CALN1: variants seen among roughly 807,000 people sequenced by gnomAD.
CALN1 encodes the protein calneuron 1.
A neutral mutation model predicts 30.6 loss-of-function variants in CALN1; 17 were observed. The observed-to-expected ratio is 0.56, with a 90% CI of 0.38 to 0.83. The LOEUF is 0.83. CALN1 is among the 40% of genes least tolerant of loss of function. The pLI is 0.00. For missense variants in CALN1, 291 were observed against 354.9 expected, an observed-to-expected ratio of 0.82 and a Z score of 1.45; for synonymous variants, 156 against 131.4, an observed-to-expected ratio of 1.19 and a Z score of -1.28.
chr7:71,831,459 A>C (rs1012665597), intron 5 of CALN1, among the ~76,000 whole-genome samples: 13 of 152,304 alleles, frequency 8.5e-5, no homozygotes, highest in Admixed American at 6.5e-5. Flanking sequence ...CAGCCTGGGC[A>C]ACAGAGCAAG....
chr7:72,269,042 G>A (rs2129553317), intron 3 of CALN1, among the ~76,000 whole-genome samples: 1 of 152,192 alleles, frequency 6.6e-6, no homozygotes, highest in African/African-American at 2.4e-5. Context: ...TCTGCCTGGG[G>A]ACAATTTCCC....
At chr7:71,976,534 G>C (rs1009171530) in intron 5 of CALN1, among the ~76,000 whole-genome samples, 1 of 152,198 alleles carries the variant, frequency 6.6e-6, no homozygotes, top group African/African-American at 2.4e-5. Flanking sequence ...AGGAGCGCTG[G>C]GCGCAGGGAT....
intron 2 of CALN1, among the ~76,000 whole-genome samples, chr7:72,335,626 G>A (rs371929307): frequency 6.6e-6 from 1 of 152,238 alleles, no homozygotes; most frequent in Middle Eastern, 3.2e-3. Context: ...GGGATGGCTG[G>A]CGCCCCAGTC....
chr7:72,410,541 T>C (rs1168869782), intron 1 of CALN1, among the ~76,000 whole-genome samples: 2 of 152,190 alleles, frequency 1.3e-5, no homozygotes, highest in Non-Finnish European at 2.9e-5. Flanking sequence ...TAAGTCCACA[T>C]CTGAAAACTG....
intron 6 of CALN1, among the ~76,000 whole-genome samples, chr7:71,789,639 A>C (rs1000259907): frequency 1.1e-4 from 17 of 152,118 alleles, no homozygotes; most frequent in African/African-American, 3.6e-4. Flanking sequence ...CTGCCTCCAG[A>C]TACCACGGCC....
At chr7:72,284,853 T>C (rs909099050) in intron 2 of CALN1, among the ~76,000 whole-genome samples, 1 of 152,068 alleles carries the variant, frequency 6.6e-6, no homozygotes, top group African/African-American at 2.4e-5. Context: ...AGATATATGA[T>C]AGATGATGGA....
At chr7:72,017,577 G>A (rs941550048) in intron 5 of CALN1, among the ~76,000 whole-genome samples, 2 of 152,120 alleles carry the variant, frequency 1.3e-5, no homozygotes, top group African/African-American at 2.4e-5. Flanking sequence ...GTGTGCTCGG[G>A]AGTATTGCCC....
chr7:72,034,302 C>T (rs1426989011), intron 4 of CALN1, among the ~76,000 whole-genome samples: 2 of 144,426 alleles, frequency 1.4e-5, no homozygotes, highest in South Asian at 2.2e-4. Flanking sequence ...TGCAGTGAGC[C>T]GAGATTGTGC....
intron 4 of CALN1, among the ~76,000 whole-genome samples, chr7:72,061,796 CAAAAA>C (rs1161510912): frequency 1.2e-5 from 1 of 85,132 alleles, no homozygotes; most frequent in East Asian, 4.1e-4. Flanking sequence ...GACTCTGTCT[CAAAAA>C]AAAAAAAAAA....
chr7:71,894,362 G>A (rs892087130), intron 5 of CALN1, among the ~76,000 whole-genome samples: 2 of 152,026 alleles, frequency 1.3e-5, no homozygotes, highest in Admixed American at 6.6e-5. Context: ...GCATGATCAC[G>A]CCAACCAGGC....
At chr7:72,292,816 G>C (rs6954119) in intron 2 of CALN1, among the ~76,000 whole-genome samples, 2 of 6,080 alleles carry the variant, frequency 3.3e-4, no homozygotes, top group Admixed American at 2.0e-3. Context: ...ACAATACTCT[G>C]TCTCAAAAAA....
intron 5 of CALN1, among the ~76,000 whole-genome samples, chr7:71,944,850 AGC>A (rs1289254734): frequency 1.2e-4 from 19 of 152,304 alleles, no homozygotes; most frequent in African/African-American, 4.6e-4. Flanking sequence ...CCAGTCTCCC[AGC>A]ATCCTTGAAG....
intron 5 of CALN1, among the ~76,000 whole-genome samples, chr7:71,852,832 A>T (rs1354948290): frequency 6.6e-6 from 1 of 152,160 alleles, no homozygotes; most frequent in African/African-American, 2.4e-5. Context: ...CTTTATATTG[A>T]TTGTGCTTAT....
the CALN1 span, among the ~76,000 whole-genome samples, chr7:72,462,475 G>A: frequency 0.16 from 24,569 of 152,096 alleles, 2,180 homozygotes; most frequent in Non-Finnish European, 0.2. Flanking sequence ...ATGAGCCACC[G>A]CAACCAGCTT....
At chr7:71,891,130 T>G (rs755990593) in intron 5 of CALN1, among the ~76,000 whole-genome samples, 1 of 152,188 alleles carries the variant, frequency 6.6e-6, no homozygotes, top group Non-Finnish European at 1.5e-5. Flanking sequence ...ACAATTTTCA[T>G]GGCTGTATAA....
chr7:72,121,879 T>C (rs571602561), intron 3 of CALN1, among the ~76,000 whole-genome samples: 54 of 147,486 alleles, frequency 3.7e-4, no homozygotes, highest in Admixed American at 3.2e-3. Flanking sequence ...ATATTAATTA[T>C]AAATTATATA....
intron 4 of CALN1, among the ~76,000 whole-genome samples, chr7:72,080,123 A>G (rs566475816): frequency 1.1e-4 from 16 of 152,290 alleles, no homozygotes; most frequent in African/African-American, 3.4e-4. Flanking sequence ...TTCAGATCAT[A>G]CTAATGCCAC....
Position 72,253,597 on chromosome 7 carries a change from C to T in CALN1, c.244+25089G>A, listed in dbSNP as rs73359173. ...GAGAAACTGTCATTTATAAAACCAT[C>T]AGATCTCATGAAAACTCACTGTCAT... On this transcript the variant is annotated intron_variant, in intron 3 of 6. Transcript: ENST00000395275. Among the ~76,000 whole-genome samples the T allele has an allele frequency of 7.4e-3, 1,128 of 152,312 alleles. 10 individuals carry two copies. The highest frequency in any genetic ancestry group is 0.023 in the African/African-American group (976 of 41,572).
At chr7:71,958,802 C>T (rs958626043) in intron 5 of CALN1, among the ~76,000 whole-genome samples, 2 of 152,140 alleles carry the variant, frequency 1.3e-5, no homozygotes, top group Non-Finnish European at 2.9e-5. Flanking sequence ...GGCAGAAAGG[C>T]AGCTCCTCCT....
Sources: allele counts gnomAD v4.1 joint callset (sites outside exome capture counted in the v4.1 genomes callset), GRCh38; gene constraint gnomAD v4.1.1; transcripts MANE v1.5; gene names NCBI Gene and HGNC (gene_info 2026-07-23, HGNC 2026-07-21).